Variants in PRKN observed in about 807,000 individuals in gnomAD.
The protein encoded by PRKN is E3 ubiquitin-protein ligase parkin.
PRKN carries 56 observed loss-of-function variants against 59.5 expected under a neutral mutation model. That is an observed-to-expected ratio of 0.94 (90% CI 0.76 to 1.18). The LOEUF is 1.18. PRKN is among the 50% of genes most tolerant of loss of function. The pLI is 0.00. For missense variants in PRKN, 657 were observed against 596.4 expected (o/e 1.10, Z -1.06); for synonymous variants, 250 against 222.1 (o/e 1.13, Z -1.12).
chr6:162,703,325 T>C (rs1736546799), intron 1 of PRKN, among the ~76,000 whole-genome samples: 1 of 152,250 alleles, frequency 6.6e-6, no homozygotes, highest in African/African-American at 2.4e-5. Context: ...GTATAAAATA[T>C]TACCATACCA....
chr6:162,628,583 A>G (rs1782987788), intron 1 of PRKN, among the ~76,000 whole-genome samples: 2 of 152,156 alleles, frequency 1.3e-5, no homozygotes, highest in Admixed American at 1.3e-4. Context: ...CATATGTTCC[A>G]ACAGCATTAG....
intron 4 of PRKN, among the ~76,000 whole-genome samples, chr6:162,085,411 C>T (rs1347648153): frequency 1.3e-5 from 2 of 151,870 alleles, no homozygotes; most frequent in Non-Finnish European, 2.9e-5. Flanking sequence ...TTTGACTATT[C>T]AGTTATTGAA....
At chr6:161,464,950 A>C (rs1790390839) in intron 9 of PRKN, among the ~76,000 whole-genome samples, 2 of 152,186 alleles carry the variant, frequency 1.3e-5, no homozygotes, top group Admixed American at 6.5e-5. Flanking sequence ...TGGAAGCCTT[A>C]GCTCTTCAAG....
At chr6:162,166,510 T>C (rs543330317) in intron 4 of PRKN, among the ~76,000 whole-genome samples, 1 of 152,294 alleles carries the variant, frequency 6.6e-6, no homozygotes, top group South Asian at 2.1e-4. Context: ...TTCCACCGGA[T>C]ATAAAATCTA....
intron 2 of PRKN, among the ~76,000 whole-genome samples, chr6:162,390,396 T>TATATATATATATATACACACACACAC (rs1180636201): frequency 1.2e-5 from 1 of 84,116 alleles, no homozygotes; most frequent in Admixed American, 1.4e-4. Context: ...TATATATATA[T>TATATATATATATATACACACACACAC]ACACACACAC....
chr6:161,697,066 A>G (rs1786050804), intron 7 of PRKN, among the ~76,000 whole-genome samples: 1 of 152,154 alleles, frequency 6.6e-6, no homozygotes, highest in East Asian at 1.9e-4. Flanking sequence ...GGTCATTTAA[A>G]CTACACAAAC....
chr6:162,360,451 T>C (rs1785085838), intron 2 of PRKN, among the ~76,000 whole-genome samples: 1 of 152,172 alleles, frequency 6.6e-6, no homozygotes, highest in African/African-American at 2.4e-5. Flanking sequence ...GGCTTTCCTT[T>C]CAAAAGAATG....
At chr6:161,511,563 T>G (rs1778393647) in intron 9 of PRKN, among the ~76,000 whole-genome samples, 2 of 152,192 alleles carry the variant, frequency 1.3e-5, no homozygotes, top group South Asian at 4.1e-4. Flanking sequence ...CCGTTATTTC[T>G]GTGAAAGGTT....
intron 2 of PRKN, among the ~76,000 whole-genome samples, chr6:162,355,512 C>T (rs561069593): frequency 6.6e-6 from 1 of 151,966 alleles, no homozygotes; most frequent in South Asian, 2.1e-4. Context: ...ACAATACATA[C>T]TGTCTCTCTA....
intron 2 of PRKN, among the ~76,000 whole-genome samples, chr6:162,403,208 T>C (rs545415376): frequency 6.6e-6 from 1 of 152,260 alleles, no homozygotes; most frequent in African/African-American, 2.4e-5. Flanking sequence ...CTTTCGTCAC[T>C]TGTAGCTCGC....
At chr6:162,220,858 T>G (rs1206865141) in intron 3 of PRKN, among the ~76,000 whole-genome samples, 1 of 152,210 alleles carries the variant, frequency 6.6e-6, no homozygotes, top group Non-Finnish European at 1.5e-5. Context: ...AACAGGCATA[T>G]AGAGACTAAG....
rs1789573308 is a variant in PRKN at position 161,448,051 on chromosome 6, T to C, written c.1084-61174A>G. On this transcript the variant is annotated intron_variant, in intron 9 of 11. Coordinates refer to ENST00000366898, the MANE Select transcript of PRKN (RefSeq NM_004562.3). This position sits in a 1 kb window ranked among gnomAD's most constrained non-coding sequence, Gnocchi z 5.1. The stretch of plus-strand genomic sequence containing the variant: ...GGGACCTTGGTCATTGTTATCTCTT[T>C]ATAATAAAATGCTAAGCAACCCCCT... Among the ~76,000 whole-genome samples, 1 of 152,204 alleles carries C rather than the reference T, an allele frequency of 6.6e-6. No individual in the cohort carries two copies. The highest frequency in any genetic ancestry group is 2.4e-5 in the African/African-American group (1 of 41,440).
Position 161,582,044 on chromosome 6 carries a change from C to T in PRKN, c.872-12628G>A, listed in dbSNP as rs1312204935. Among the ~76,000 whole-genome samples the T allele has an allele frequency of 1.3e-5, 2 of 152,192 alleles. No individual in the cohort carries two copies. Among genetic ancestry groups the T allele is most frequent in the Non-Finnish European group, 2.9e-5 (2 of 68,038 alleles). Reference sequence around the variant, plus strand: ...TTTGACTTAACTTGTTACTCCCCAGCTCACCGTGCCCAGAGCTCCACGCAT... The same window carrying T: ...TTTGACTTAACTTGTTACTCCCCAGTTCACCGTGCCCAGAGCTCCACGCAT... On this transcript the variant is annotated intron_variant, in intron 7 of 11. Coordinates refer to ENST00000366898, the MANE Select transcript of PRKN (RefSeq NM_004562.3). This position sits in a 1 kb window ranked among gnomAD's most constrained non-coding sequence, Gnocchi z 4.4.
chr6:161,904,566 C>T (rs1241988706), intron 6 of PRKN, among the ~76,000 whole-genome samples: 4 of 152,246 alleles, frequency 2.6e-5, no homozygotes, highest in East Asian at 1.9e-4. Context: ...CTGCCTGCCT[C>T]GGCCTCCCAA....
chr6:162,632,134 A>G (rs1783135077), intron 1 of PRKN, among the ~76,000 whole-genome samples: 1 of 152,212 alleles, frequency 6.6e-6, no homozygotes. Flanking sequence ...GCTATCATTT[A>G]ACCCAACAAT....
chr6:161,481,349 A>G (rs1490417582), intron 9 of PRKN, among the ~76,000 whole-genome samples: 1 of 152,178 alleles, frequency 6.6e-6, no homozygotes, highest in Non-Finnish European at 1.5e-5. Context: ...TCACTCCTGT[A>G]ATCCCAGAAC....
chr6:162,410,660 T>C (rs1416066615), intron 2 of PRKN, among the ~76,000 whole-genome samples: 1 of 152,208 alleles, frequency 6.6e-6, no homozygotes, highest in African/African-American at 2.4e-5. Context: ...CCCTGTCATT[T>C]ACAGGCTGCT....
At chr6:162,568,530 C>T in intron 1 of PRKN, 4 of 744,786 alleles carry the variant, frequency 5.4e-6, no homozygotes, top group Non-Finnish European at 7.2e-6. Context: ...GCTGAGCCTC[C>T]TTAACCTGGA....
At chr6:161,701,715 T>C (rs1054184267) in intron 7 of PRKN, among the ~76,000 whole-genome samples, 3 of 152,238 alleles carry the variant, frequency 2.0e-5, no homozygotes, top group African/African-American at 7.2e-5. Flanking sequence ...AGGTAAATAA[T>C]TATGATGCTA....
Sources: gnomAD v4.1 joint callset for allele counts (sites outside exome capture counted in the v4.1 genomes callset) on GRCh38, gnomAD v4.1.1 for gene constraint, Gnocchi (gnomAD v3.1) non-coding constraint, MANE v1.5 for transcripts, NCBI Gene and HGNC (gene_info 2026-07-23, HGNC 2026-07-21) for gene names.